The following USH2A variants were observed in gnomAD, a reference collection of about 807,000 sequenced individuals.
USH2A encodes usherin, also known as Usher syndrome 2A (autosomal recessive, mild).
Under a neutral mutation model 538.9 loss-of-function variants are expected in USH2A, and 443 were observed. The ratio of observed to expected loss-of-function variants is 0.82; its 90% CI spans 0.76 to 0.89. The LOEUF (loss-of-function observed/expected upper bound fraction) is 0.89. Ranked by LOEUF, USH2A falls within the 40% of genes least tolerant of loss-of-function variation. The pLI, the probability that USH2A is intolerant of heterozygous loss-of-function variation, is 0.00. For missense variants in USH2A, 6,633 were observed against 6,324.8 expected (o/e 1.05, Z -1.65); for synonymous variants, 2,413 against 2,273.5 (o/e 1.06, Z -1.75).
At chr1:215,668,111 G>C (rs1442859288) in intron 64 of USH2A, among the ~76,000 whole-genome samples, 2 of 152,142 alleles carry the variant, frequency 1.3e-5, no homozygotes, top group Non-Finnish European at 2.9e-5. Flanking sequence ...TCTGCAGAAG[G>C]GTGAAATCAC....
At chr1:216,292,097 CAT>C in intron 10 of USH2A, 76 bp downstream of exon 10, 3 of 1,468,956 alleles carry the variant, frequency 2.0e-6, no homozygotes, top group Non-Finnish European at 1.9e-6. Context: ...ATAGCAATAA[CAT>C]AATTTAAAAT....
chr1:216,418,456 G>T, intron 3 of USH2A, 58 bp downstream of exon 3: 1 of 1,593,194 alleles, frequency 6.3e-7, no homozygotes, highest in South Asian at 1.1e-5. Flanking sequence ...TTAAAAGAGA[G>T]AAAGGAAGAC....
At chr1:215,838,697 C>A (rs1013843754) in intron 46 of USH2A, among the ~76,000 whole-genome samples, 1 of 151,890 alleles carries the variant, frequency 6.6e-6, no homozygotes, top group African/African-American at 2.4e-5. Flanking sequence ...GAATAAAAAC[C>A]GAGGAGGGTG....
In USH2A at chr1:216,309,676, C is replaced by G. The variant is rs567274860; in HGVS notation, c.1644+12207G>C. ...CTTATCCTTAAGTATGATGTTCACT[C>G]TAGGTTTTTATACATATTTTCTATT... On this transcript the variant is annotated intron_variant, in intron 9 of 71. Coordinates refer to ENST00000307340, the MANE Select transcript of USH2A (RefSeq NM_206933.4). Among the ~76,000 whole-genome samples, 8 of 152,150 alleles carry G rather than the reference C, an allele frequency of 5.3e-5. No individual in the cohort carries two copies. The East Asian group carries it at 1.4e-3, about 26-fold the overall frequency.
intron 21 of USH2A, among the ~76,000 whole-genome samples, chr1:216,138,521 C>A (rs2033531663): frequency 6.6e-6 from 1 of 152,096 alleles, no homozygotes; most frequent in African/African-American, 2.4e-5. Flanking sequence ...AAGATCTTGC[C>A]ACAGTGTTTT....
chr1:216,246,517 G>A (rs1369752817), intron 13 of USH2A, 68 bp downstream of exon 13: 2 of 1,608,250 alleles, frequency 1.2e-6, no homozygotes, highest in African/African-American at 1.3e-5. Context: ...CAGAAACAGG[G>A]AGAAGTTACC....
At chr1:216,371,509 CTG>C (rs2038713041) in intron 3 of USH2A, among the ~76,000 whole-genome samples, 1 of 152,162 alleles carries the variant, frequency 6.6e-6, no homozygotes, top group South Asian at 2.1e-4. Context: ...AACTAAAATA[CTG>C]TCTTTTTTTT....
intron 22 of USH2A, among the ~76,000 whole-genome samples, chr1:216,089,829 C>T (rs553414360): frequency 6.7e-6 from 1 of 149,964 alleles, no homozygotes; most frequent in East Asian, 1.9e-4. Context: ...AAAAAAAAAA[C>T]TGAGAAAGAG....
chr1:216,081,024 T>C (rs1036076732), intron 26 of USH2A, among the ~76,000 whole-genome samples: 4 of 152,064 alleles, frequency 2.6e-5, no homozygotes, highest in African/African-American at 9.7e-5. Flanking sequence ...AAACAATAGA[T>C]ACTGTTTAAT....
chr1:215,826,758 T>C (rs1663167661), intron 47 of USH2A, among the ~76,000 whole-genome samples: 1 of 152,136 alleles, frequency 6.6e-6, no homozygotes, highest in African/African-American at 2.4e-5. Flanking sequence ...GATTTTTTTT[T>C]CTCTTTGTAT....
In USH2A at chr1:215,993,014, A is replaced by T. The variant is rs746355792; in HGVS notation, c.6805+6T>A. 6.2e-7 allele frequency: 1 copy of T among 1,614,098 alleles called. No homozygotes were observed. Among genetic ancestry groups the T allele is most frequent in the Admixed American group, 1.7e-5 (1 of 60,026 alleles). On this transcript the variant is annotated splice_donor_region_variant and intron_variant, in intron 35 of 71. Coordinates refer to ENST00000307340, the MANE Select transcript of USH2A (RefSeq NM_206933.4). ...TTTTAACTTGAGGCTAAAAGAGTTC[A>T]CTTACCATTCGGATATTCAGGCTCA... is the stretch of plus-strand genomic sequence containing the variant.
chr1:216,204,753 GTAAT>G (rs2035075757), intron 16 of USH2A, among the ~76,000 whole-genome samples: 1 of 152,140 alleles, frequency 6.6e-6, no homozygotes, highest in Non-Finnish European at 1.5e-5. Flanking sequence ...TAGAAATAGA[GTAAT>G]AAACATGAGG....
intron 21 of USH2A, among the ~76,000 whole-genome samples, chr1:216,143,115 C>T (rs1013790740): frequency 9.2e-5 from 14 of 152,098 alleles, no homozygotes; most frequent in African/African-American, 3.4e-4. Flanking sequence ...GAAACCTCTG[C>T]CAAACTTGTC....
intron 43 of USH2A, among the ~76,000 whole-genome samples, chr1:215,874,755 G>T (rs1471717180): frequency 6.6e-6 from 1 of 152,190 alleles, no homozygotes; most frequent in Non-Finnish European, 1.5e-5. Context: ...AAGATGGTAA[G>T]AAACACTTCA....
At chr1:215,739,914 A>G (rs552355120) in intron 60 of USH2A, among the ~76,000 whole-genome samples, 4 of 152,328 alleles carry the variant, frequency 2.6e-5, no homozygotes, top group African/African-American at 9.6e-5. Context: ...TGAGGCTGCT[A>G]GAGACACTAA....
At chr1:216,377,628 A>C (rs914872266) in intron 3 of USH2A, among the ~76,000 whole-genome samples, 2 of 151,218 alleles carry the variant, frequency 1.3e-5, no homozygotes, top group East Asian at 1.9e-4. Context: ...TCCAATTCTG[A>C]CATGTTTCTT....
At position 215,786,663 on chromosome 1, in the gene USH2A, C is replaced by T. The variant is rs562495242; in HGVS notation, c.10387+7G>A. ...AAGCCATGGGCAGACAGCTTGCTTT[C>T]TGTTACCTGTGTAAGAGTACGTGTT... On this transcript the variant is annotated splice_region_variant and intron_variant, in intron 52 of 71. Transcript: ENST00000307340. 1 of 1,613,912 alleles carries T rather than the reference C, an allele frequency of 6.2e-7. No individual in the cohort carries two copies. Among genetic ancestry groups the T allele is most frequent in the South Asian group, 1.1e-5 (1 of 91,084 alleles).
At chr1:215,690,290 A>T (rs1658559440) in intron 61 of USH2A, among the ~76,000 whole-genome samples, 1 of 152,120 alleles carries the variant, frequency 6.6e-6, no homozygotes, top group Middle Eastern at 3.2e-3. Context: ...TGTGGTAGGG[A>T]CACTAAGGTG....
intron 3 of USH2A, among the ~76,000 whole-genome samples, chr1:216,381,852 C>A (rs1215954573): frequency 6.6e-6 from 1 of 152,158 alleles, no homozygotes; most frequent in Non-Finnish European, 1.5e-5. Context: ...TCGCAGTTAG[C>A]CTTGCGGAGC....
Sources: allele counts gnomAD v4.1 joint callset (sites outside exome capture counted in the v4.1 genomes callset), GRCh38; gene constraint gnomAD v4.1.1; transcripts MANE v1.5; gene names NCBI Gene and HGNC (gene_info 2026-07-23, HGNC 2026-07-21).